Variants in TENT2 observed in about 807,000 individuals in gnomAD.
The protein encoded by TENT2 is poly(A) RNA polymerase GLD2.
TENT2 carries 44 observed loss-of-function variants against 72.2 expected under a neutral mutation model. That is an observed-to-expected ratio of 0.61 (90% confidence interval 0.48 to 0.78). TENT2 has a LOEUF of 0.78. TENT2 is among the 30% of genes least tolerant of loss of function. The probability of loss-of-function intolerance (pLI) is 0.00; values close to 1 mark genes in which losing one functional copy is unlikely to be tolerated. For synonymous variants in TENT2, 212 were observed against 192.5 expected (o/e 1.10, Z -0.84); for missense variants, 541 against 569.6 (o/e 0.95, Z 0.51).
intron 10 of TENT2, among the ~76,000 whole-genome samples, chr5:79,655,337 T>C (rs1217021404): frequency 1.3e-5 from 2 of 152,146 alleles, no homozygotes; most frequent in Non-Finnish European, 2.9e-5. Context: ...TTTTTGTCCA[T>C]TGAAAGATCC....
chr5:79,686,502 A>G lies in TENT2; in HGVS notation c.*1229A>G, dbSNP rs1233796099. 6.6e-6 allele frequency: 1 copy of G among 151,748 alleles called. No homozygotes were observed. Among genetic ancestry groups the G allele is most frequent in the African/African-American group, 2.4e-5 (1 of 41,212 alleles). 9.4% of individuals were successfully genotyped at this position (151,748 alleles called of 1,614,324 possible). ...TAGACCTGCTGTAGTACAGTTTTGT[A>G]CCTCTAACGTATTTTTTTTTTGCAG... On this transcript the variant is annotated 3_prime_UTR_variant, in exon 15 of 15. Coordinates refer to ENST00000453514, the MANE Select transcript of TENT2 (RefSeq NM_001114394.3).
chr5:79,643,153 TG>T, intron 7 of TENT2, among the ~76,000 whole-genome samples: 1 of 152,290 alleles, frequency 6.6e-6, no homozygotes, highest in Non-Finnish European at 1.5e-5. Context: ...TTCAAAGATA[TG>T]TAAGTTTTAG....
chr5:79,668,968 A>G lies in TENT2; in HGVS notation c.1148A>G (p.Asn383Ser). 1.2e-6 allele frequency: 2 copies of G among 1,613,920 alleles called. No homozygotes were observed. The highest frequency in any genetic ancestry group is 1.7e-6 in the Non-Finnish European group (2 of 1,179,876). ...PCNVPPYLSK[N>S]ESNLGDLLLG... is the part of the protein sequence containing the mutation. ...AATGTTCCTCCTTACCTCTCAAAGA[A>G]TGAATCAAACCTTGGGGACCTCTTA... The change falls in exon 12 of 15, where the codon AAT (asparagine) becomes AGT (serine). Residue 383 changes from asparagine to serine, a missense_variant. By Grantham distance (46) the Asn-to-Ser change is conservative (BLOSUM62 1). Coordinates refer to ENST00000453514, the MANE Select transcript of TENT2 (RefSeq NM_001114394.3).
rs1309356934 is a variant in TENT2, at chr5:79,686,294, TTAG to T, written c.*1024_*1026del. 6.6e-6 allele frequency: 1 copy of T among 152,312 alleles called. No individual in the cohort carries two copies. Among genetic ancestry groups the T allele is most frequent in the Non-Finnish European group, 1.5e-5 (1 of 67,990 alleles). 9.4% of individuals were successfully genotyped at this position (152,312 alleles called of 1,614,324 possible). A position where few individuals can be genotyped will look rare whatever the true frequency, so the allele number is the denominator to read the frequency against. Reference sequence around the variant, plus strand: ...TTAATGTTTGTAAAAAATCTCTTTTTTAGTATTTCTTTTTTCACATGAAAGAAG... The same window carrying T: ...TTAATGTTTGTAAAAAATCTCTTTTTTATTTCTTTTTTCACATGAAAGAAG... On this transcript the variant is annotated 3_prime_UTR_variant, in exon 15 of 15. Coordinates refer to ENST00000453514, the MANE Select transcript of TENT2 (RefSeq NM_001114394.3).
rs1201584559 is a variant in TENT2, at chr5:79,687,626, G to T, written c.*2353G>T. Among the ~76,000 whole-genome samples the T allele has an allele frequency of 6.6e-6, 1 of 152,200 alleles. No individual in the cohort carries two copies. The highest frequency in any genetic ancestry group is 1.5e-5 in the Non-Finnish European group (1 of 68,034). ...AAAAAGTCTATACCTGTTCGGTACA[G>T]ATGCAACCATTCTGCCTCCTCCCTA... On this transcript the variant is annotated 3_prime_UTR_variant, in exon 15 of 15. Transcript: ENST00000453514.
intron 4 of TENT2, among the ~76,000 whole-genome samples, chr5:79,636,309 A>G (rs959608514): frequency 2.0e-5 from 3 of 152,228 alleles, no homozygotes; most frequent in Non-Finnish European, 2.9e-5. Context: ...ACATATGACC[A>G]TAACAATTAA....
intron 8 of TENT2, among the ~76,000 whole-genome samples, chr5:79,646,733 T>C (rs1029428440): frequency 1.3e-5 from 2 of 151,850 alleles, no homozygotes; most frequent in African/African-American, 4.8e-5. Context: ...TCTTTTTCTA[T>C]TTAAGATCAT....
intron 12 of TENT2, among the ~76,000 whole-genome samples, chr5:79,671,609 A>G (rs1423127668): frequency 4.6e-5 from 7 of 151,912 alleles, no homozygotes; most frequent in African/African-American, 1.7e-4. Flanking sequence ...GGGTTTCACC[A>G]TATTGGCCAG....
intron 1 of TENT2, among the ~76,000 whole-genome samples, chr5:79,618,484 C>G (rs6866361): frequency 0.2 from 30,771 of 151,898 alleles, 4,604 homozygotes; most frequent in African/African-American, 0.42. Flanking sequence ...TCTTCCCACC[C>G]CGGCCTCCCA....
intron 7 of TENT2, among the ~76,000 whole-genome samples, chr5:79,643,735 A>G (rs1317171675): frequency 1.3e-5 from 2 of 152,150 alleles, no homozygotes; most frequent in African/African-American, 2.4e-5. Context: ...TTGAATTTTT[A>G]ATAGCTATTT....
chr5:79,619,854 T>G (rs562974687), intron 2 of TENT2, 69 bp downstream of exon 2: 2 of 1,536,576 alleles, frequency 1.3e-6, no homozygotes, highest in African/African-American at 2.8e-5. Context: ...AAACCCTTTT[T>G]GTATGAAACT....
chr5:79,623,299 G>T lies in TENT2; in HGVS notation c.275G>T (p.Arg92Leu). Residue 92 changes from arginine (R) to leucine (L), a missense_variant, in exon 4 of 15, where the codon CGT (arginine) becomes CTT (leucine). Transcript: ENST00000453514. ...KNLPLDGKRQRFHSPHQEPTV... is the reference protein window; with the variant it reads ...KNLPLDGKRQLFHSPHQEPTV... Reference sequence around the variant, plus strand: ...CTTCCTCTTGACGGTAAACGGCAACGTTTCCATTCACCCCACCAAGAGCCA... The same window carrying T: ...CTTCCTCTTGACGGTAAACGGCAACTTTTCCATTCACCCCACCAAGAGCCA... 1 of 1,612,988 alleles carries T rather than the reference G, an allele frequency of 6.2e-7. No homozygotes were observed. The highest frequency in any genetic ancestry group is 8.5e-7 in the Non-Finnish European group (1 of 1,179,472).
At chr5:79,631,025 G>A (rs962330178) in intron 4 of TENT2, among the ~76,000 whole-genome samples, 2 of 152,036 alleles carry the variant, frequency 1.3e-5, no homozygotes, top group Non-Finnish European at 2.9e-5. Context: ...TTTAGAGGTG[G>A]AATCCATAAC....
intron 10 of TENT2, among the ~76,000 whole-genome samples, chr5:79,651,287 C>T (rs1370287018): frequency 2.0e-5 from 3 of 151,610 alleles, no homozygotes; most frequent in Non-Finnish European, 4.4e-5. Context: ...GGTGGATGTT[C>T]TTTTTTCCTC....
At chr5:79,675,904 G>A (rs1247643885) in intron 12 of TENT2, among the ~76,000 whole-genome samples, 1 of 152,102 alleles carries the variant, frequency 6.6e-6, no homozygotes, top group East Asian at 1.9e-4. Flanking sequence ...CCTAAGGTGT[G>A]TACTCTAGCA....
At chr5:79,657,971 C>T (rs1298256422) in intron 11 of TENT2, among the ~76,000 whole-genome samples, 1 of 152,142 alleles carries the variant, frequency 6.6e-6, no homozygotes, top group African/African-American at 2.4e-5. Context: ...CATGGAACAT[C>T]AGTTAAATAT....
intron 1 of TENT2, among the ~76,000 whole-genome samples, chr5:79,618,228 G>A (rs1761964369): frequency 1.3e-5 from 2 of 152,018 alleles, no homozygotes; most frequent in South Asian, 2.1e-4. Context: ...CCCAGAGCCT[G>A]TTTATTTTAT....
Position 79,685,222 on chromosome 5 carries a change from G to C in TENT2, c.1404G>C (p.Lys468Asn). The C allele has an allele frequency of 1.2e-6, 2 of 1,607,464 alleles. No individual in the cohort carries two copies. The highest frequency in any genetic ancestry group is 1.7e-6 in the Non-Finnish European group (2 of 1,178,336). ...FLKSWHRLKN[K>N]RDLNSILPVR... Reference sequence around the variant, plus strand: ...AGTCATGGCACAGATTGAAAAACAAGAGAGATTTGAACAGTATACTACCTG... The same window carrying C: ...AGTCATGGCACAGATTGAAAAACAACAGAGATTTGAACAGTATACTACCTG... Residue 468 changes from lysine to asparagine, a missense_variant, in exon 15 of 15, where the codon AAG becomes AAC. Coordinates refer to ENST00000453514, the MANE Select transcript of TENT2 (RefSeq NM_001114394.3).
At chr5:79,669,079 T>C in intron 12 of TENT2, 51 bp downstream of exon 12, 4 of 1,525,592 alleles carry the variant, frequency 2.6e-6, no homozygotes, top group Non-Finnish European at 3.6e-6. Flanking sequence ...TGTGTGTGTG[T>C]ATGTATGTAT....
Sources: allele counts gnomAD v4.1 joint callset (sites outside exome capture counted in the v4.1 genomes callset), GRCh38; gene constraint gnomAD v4.1.1; transcripts MANE v1.5; gene names NCBI Gene and HGNC (gene_info 2026-07-23, HGNC 2026-07-21).